The following ABLIM1 variants were observed in gnomAD, a reference collection of about 807,000 sequenced individuals.
ABLIM1 encodes actin-binding LIM protein 1.
Under a neutral mutation model 107.0 loss-of-function variants are expected in ABLIM1, and 40 were observed. The ratio of observed to expected loss-of-function variants is 0.37; its 90% CI spans 0.29 to 0.49. The LOEUF (loss-of-function observed/expected upper bound fraction) is 0.49, where lower values mean the gene tolerates loss of function less well. Ranked by LOEUF, ABLIM1 falls within the 20% of genes least tolerant of loss-of-function variation. ABLIM1 has a pLI of 0.97. For synonymous variants in ABLIM1, 357 were observed against 357.3 expected (o/e 1.00, Z 0.01); for missense variants, 857 against 1,008.5 (o/e 0.85, Z 2.04).
At chr10:114,563,287 G>T (rs2138400935) in intron 4 of ABLIM1, among the ~76,000 whole-genome samples, 1 of 152,246 alleles carries the variant, frequency 6.6e-6, no homozygotes, top group East Asian at 1.9e-4. Context: ...TACTTAAAAT[G>T]AGAAGACTGT....
At chr10:114,751,524 G>A (rs192158795) in intron 1 of ABLIM1, among the ~76,000 whole-genome samples, 13 of 151,828 alleles carry the variant, frequency 8.6e-5, no homozygotes, top group African/African-American at 1.9e-4. Flanking sequence ...AGGCTGAGGC[G>A]GCAGATCACG....
intron 6 of ABLIM1, chr10:114,526,670 G>C (rs1224992682): frequency 1.0e-6 from 1 of 985,384 alleles, no homozygotes; most frequent in Admixed American, 6.1e-5. Flanking sequence ...CTCAGGCCAG[G>C]GTTCCTTTTC....
chr10:114,432,976 C>A lies in ABLIM1; in HGVS notation c.*3284G>T, dbSNP rs925347869. ...TCTTCCTATCTCCTAATAAGTCACA[C>A]AGAAAGACTATGTGATAGCCTGGAT... On this transcript the variant is annotated 3_prime_UTR_variant, in exon 23 of 23. Coordinates refer to ENST00000533213, the MANE Select transcript of ABLIM1 (RefSeq NM_002313.7). 6.6e-6 allele frequency: 1 copy of A among 152,186 alleles called. No individual in the cohort carries two copies. Among genetic ancestry groups the A allele is most frequent in the Non-Finnish European group, 1.5e-5 (1 of 68,034 alleles). 9.4% of individuals were successfully genotyped at this position (152,186 alleles called of 1,614,324 possible).
chr10:114,748,836 A>G (rs1433289214), intron 1 of ABLIM1, among the ~76,000 whole-genome samples: 1 of 151,634 alleles, frequency 6.6e-6, no homozygotes, highest in East Asian at 1.9e-4. Context: ...TTATTTTTTA[A>G]TGTTTTTTGT....
intron 7 of ABLIM1, 40 bp downstream of exon 7, chr10:114,491,751 C>T (rs780987876): frequency 1.3e-6 from 2 of 1,527,384 alleles, no homozygotes; most frequent in Admixed American, 3.4e-5. Flanking sequence ...TTCCTTTCCC[C>T]CAGCAAGGAA....
chr10:114,632,272 C>G (rs2078239139), intron 1 of ABLIM1: 1 of 985,322 alleles, frequency 1.0e-6, no homozygotes, highest in African/African-American at 1.7e-5. Context: ...CCTTGTATTC[C>G]TCGCACCGAG....
chr10:114,793,038 G>A, the ABLIM1 span, among the ~76,000 whole-genome samples: 1 of 152,136 alleles, frequency 6.6e-6, no homozygotes, highest in Non-Finnish European at 1.5e-5. Flanking sequence ...TGTAATCCCA[G>A]CTACTCAGGA....
chr10:114,726,463 G>T (rs1267746979), intron 1 of ABLIM1, among the ~76,000 whole-genome samples: 3 of 152,054 alleles, frequency 2.0e-5, no homozygotes, highest in African/African-American at 7.2e-5. Context: ...ACATCACATG[G>T]CAAAAGCAGG....
chr10:114,614,668 C>A (rs188760778), intron 1 of ABLIM1, among the ~76,000 whole-genome samples: 2 of 152,114 alleles, frequency 1.3e-5, no homozygotes, highest in African/African-American at 4.8e-5. Flanking sequence ...CAGAGATTTG[C>A]CGGAAAATTA....
chr10:114,560,831 T>A (rs561546894), intron 4 of ABLIM1, among the ~76,000 whole-genome samples: 1 of 152,164 alleles, frequency 6.6e-6, no homozygotes, highest in Admixed American at 6.5e-5. Flanking sequence ...AATAGGTAAG[T>A]CCATAGAGAC....
At chr10:114,723,470 G>A (rs2081893030) in intron 1 of ABLIM1, among the ~76,000 whole-genome samples, 1 of 152,174 alleles carries the variant, frequency 6.6e-6, no homozygotes, top group African/African-American at 2.4e-5. Context: ...AAATTTAGGT[G>A]GGATTATACT....
chr10:114,444,294 A>G (rs1033220836), intron 16 of ABLIM1, among the ~76,000 whole-genome samples, 160 bp from the exon 17 acceptor site: 1 of 152,122 alleles, frequency 6.6e-6, no homozygotes, highest in African/African-American at 2.4e-5. Flanking sequence ...CTGAAGAGGT[A>G]GGTCAAGTTT....
intron 1 of ABLIM1, among the ~76,000 whole-genome samples, chr10:114,616,784 G>T (rs966857258): frequency 6.6e-6 from 1 of 152,240 alleles, no homozygotes; most frequent in Non-Finnish European, 1.5e-5. Flanking sequence ...GTAACAGAAG[G>T]AATAGCAATT....
At chr10:114,570,695 G>A (rs770607509) in intron 4 of ABLIM1, among the ~76,000 whole-genome samples, 2 of 133,918 alleles carry the variant, frequency 1.5e-5, no homozygotes, top group African/African-American at 2.8e-5. Flanking sequence ...CTCAACCTTC[G>A]CCTCCCAGGC....
At position 114,451,650 on chromosome 10, in the gene ABLIM1, C is replaced by T. The variant is rs1457319900; in HGVS notation, c.1568G>A (p.Arg523Gln). 3.1e-6 allele frequency: 5 copies of T among 1,612,826 alleles called. No individual in the cohort carries two copies. The highest frequency in any genetic ancestry group is 1.7e-5 in the Admixed American group (1 of 59,824). The change falls in exon 14 of 23, where the codon CGA (arginine) becomes CAA (glutamine). Residue 523 changes from arginine (R) to glutamine (Q), a missense_variant. Physicochemically the swap from Arg to Gln is conservative, Grantham distance 43. Coordinates refer to ENST00000533213, the MANE Select transcript of ABLIM1 (RefSeq NM_002313.7). ...ATGCTGTTTGTAGATGGGTGGCTTT[C>T]GGTAAATGTTGATTCCTTGATCTGT... Reference protein sequence around the residue: ...HVPDQGINIYRKPPIYKQHAA... With the variant: ...HVPDQGINIYQKPPIYKQHAA...
At chr10:114,717,356 AT>A (rs1452602805) in intron 1 of ABLIM1, among the ~76,000 whole-genome samples, 1 of 152,182 alleles carries the variant, frequency 6.6e-6, no homozygotes, top group Non-Finnish European at 1.5e-5. Flanking sequence ...TAAGACTGAA[AT>A]CATGTAGGGA....
chr10:114,439,067 C>G, intron 21 of ABLIM1, 109 bp downstream of exon 21: 1 of 1,357,840 alleles, frequency 7.4e-7, no homozygotes, highest in Non-Finnish European at 1.0e-6. Context: ...CATGGCTCAC[C>G]TGAACACACC....
rs924559206 is a variant in ABLIM1 at position 114,742,350 on chromosome 10, T to TA, written c.-213+25710dup. On this transcript the variant is annotated intron_variant, in intron 1 of 15. Coordinates refer to the ABLIM1 transcript ENST00000651092. ...AAAATGCCAAAGTCTCTCTAAGGACTAAAAATGGCCAAAAGTACACTTTGG... is the reference window on the plus strand; with the variant it reads ...AAAATGCCAAAGTCTCTCTAAGGACTAAAAAATGGCCAAAAGTACACTTTGG... 4.5e-4 allele frequency among the ~76,000 whole-genome samples: 68 copies of TA among 152,158 alleles called. 1 individual carries two copies. The highest frequency in any genetic ancestry group is 1.0e-4 in the Non-Finnish European group (7 of 68,020).
intron 1 of ABLIM1, among the ~76,000 whole-genome samples, chr10:114,732,180 CTTTTT>C (rs113276247): frequency 9.1e-6 from 1 of 109,878 alleles, no homozygotes. Flanking sequence ...CTTTTCTTTT[CTTTTT>C]TTTTTTTTTT....
Sources: allele counts gnomAD v4.1 joint callset (sites outside exome capture counted in the v4.1 genomes callset), GRCh38; gene constraint gnomAD v4.1.1; transcripts MANE v1.5; gene names NCBI Gene and HGNC (gene_info 2026-07-23, HGNC 2026-07-21).